The following ATF7 variants were observed in gnomAD, a reference collection of about 807,000 sequenced individuals.
ATF7 encodes the protein activating transcription factor 7.
In ATF7, 10 loss-of-function variants were observed where a neutral mutation model predicts 50.4. The observed-to-expected ratio is 0.20, with a 90% confidence interval of 0.12 to 0.34. The LOEUF is 0.34. Ranked by LOEUF, ATF7 falls within the 10% of genes least tolerant of loss-of-function variation. The pLI, the probability that ATF7 is intolerant of heterozygous loss-of-function variation, is 1.00. For synonymous variants in ATF7, 201 were observed against 226.4 expected (o/e 0.89, Z 1.01); for missense variants, 465 against 613.9 (o/e 0.76, Z 2.56).
At chr12:53,555,827 G>A (rs1940715430) in intron 2 of ATF7, among the ~76,000 whole-genome samples, 2 of 149,238 alleles carry the variant, frequency 1.3e-5, no homozygotes, top group Admixed American at 1.3e-4. Flanking sequence ...GTTTTGTTTT[G>A]TTTTTGAGAC....
At chr12:53,584,350 A>C (rs1028344924) in intron 2 of ATF7, among the ~76,000 whole-genome samples, 3 of 152,210 alleles carry the variant, frequency 2.0e-5, no homozygotes, top group Non-Finnish European at 4.4e-5. Context: ...GCCAAAATCC[A>C]AAACACTGAC....
chr12:53,576,869 A>G (rs1285759821), intron 2 of ATF7, among the ~76,000 whole-genome samples: 1 of 152,136 alleles, frequency 6.6e-6, no homozygotes, highest in Non-Finnish European at 1.5e-5. Flanking sequence ...AGCCTGGCCA[A>G]CATGGTGAAA....
intron 2 of ATF7, among the ~76,000 whole-genome samples, chr12:53,554,834 G>A (rs1385171234): frequency 7.9e-6 from 1 of 126,352 alleles, no homozygotes; most frequent in Non-Finnish European, 1.6e-5. Context: ...CTAAGCTCCA[G>A]CCTGGGTGAC....
rs1266419084 is a variant in ATF7, at chr12:53,523,208, G to C, written c.1234+68C>G. On this transcript the variant is annotated intron_variant, in intron 11 of 11. Coordinates refer to ENST00000420353, the MANE Select transcript of ATF7 (RefSeq NM_006856.3). ...TCAGAATGGAGTTATAAAATTATAA[G>C]CAGTTGAGACACTCAGTACATGCAG... is the stretch of plus-strand genomic sequence containing the variant. The C allele has an allele frequency of 2.6e-6, 3 of 1,135,650 alleles. No individual in the cohort carries two copies. In the African/African-American group the frequency reaches 4.6e-5, roughly 17 times the overall value. 70.3% of individuals were successfully genotyped at this position (1,135,650 alleles called of 1,614,324 possible).
intron 2 of ATF7, among the ~76,000 whole-genome samples, chr12:53,582,189 C>T (rs1942456104): frequency 6.6e-6 from 1 of 151,778 alleles, no homozygotes; most frequent in Admixed American, 6.6e-5. Context: ...ATTAGCTGAG[C>T]ATGGTGGCGC....
At chr12:53,508,725 T>C (rs542793554), downstream of ATF7, among the ~76,000 whole-genome samples, 2 of 152,256 alleles carry the variant, frequency 1.3e-5, no homozygotes, top group Admixed American at 6.5e-5. Flanking sequence ...GCTGAAGCAC[T>C]GCTGCCACCC....
intron 4 of ATF7, 49 bp from the exon 5 acceptor site, chr12:53,537,601 G>A: frequency 1.3e-6 from 2 of 1,593,062 alleles, no homozygotes; most frequent in Non-Finnish European, 1.7e-6. Flanking sequence ...ATTCCTTTCA[G>A]GTTGAATCTA....
chr12:53,605,904 G>C (rs568084774), intron 1 of ATF7, among the ~76,000 whole-genome samples: 12 of 152,248 alleles, frequency 7.9e-5, no homozygotes, highest in African/African-American at 2.9e-4. Flanking sequence ...TATTAAGTTT[G>C]CACTTAACTT....
chr12:53,532,453 G>C (rs896232637), intron 8 of ATF7, 57 bp downstream of exon 8: 3 of 1,363,584 alleles, frequency 2.2e-6, no homozygotes, highest in Non-Finnish European at 3.1e-6. Context: ...GACCTAGGCT[G>C]GTATCACCCA....
At chr12:53,527,504 G>A (rs1042269026) in intron 9 of ATF7, among the ~76,000 whole-genome samples, 6 of 152,086 alleles carry the variant, frequency 3.9e-5, no homozygotes, top group Non-Finnish European at 7.4e-5. Flanking sequence ...AAAAAAAGAT[G>A]CTGGGCATGG....
At chr12:53,582,792 G>A (rs976506671) in intron 2 of ATF7, among the ~76,000 whole-genome samples, 20 of 151,982 alleles carry the variant, frequency 1.3e-4, no homozygotes, top group Non-Finnish European at 2.2e-4. Flanking sequence ...TCACCATGTT[G>A]GCCAGGATGG....
intron 9 of ATF7, among the ~76,000 whole-genome samples, chr12:53,526,025 A>C (rs994835088): frequency 1.3e-5 from 2 of 152,040 alleles, no homozygotes; most frequent in Admixed American, 6.6e-5. Context: ...AGCCTGACCA[A>C]CATGGAGAAA....
intron 6 of ATF7, among the ~76,000 whole-genome samples, chr12:53,533,789 AACAG>A (rs1315555930): frequency 6.6e-6 from 1 of 152,186 alleles, no homozygotes; most frequent in Non-Finnish European, 1.5e-5. Context: ...AGTGAAGACA[AACAG>A]ACAAATAAAA....
chr12:53,541,302 AC>A (rs1939537913), intron 4 of ATF7, among the ~76,000 whole-genome samples: 1 of 152,172 alleles, frequency 6.6e-6, no homozygotes, highest in Non-Finnish European at 1.5e-5. Context: ...GCTTCACTAT[AC>A]CATGCAATTG....
intron 2 of ATF7, 41 bp from the exon 3 acceptor site, chr12:53,552,678 A>C (rs755837670): frequency 1.6e-5 from 25 of 1,517,020 alleles, no homozygotes; most frequent in African/African-American, 1.6e-4. Flanking sequence ...AAACAAAAAC[A>C]AAAACCCGAT....
At chr12:53,615,096 A>T (rs1944062414) in intron 1 of ATF7, among the ~76,000 whole-genome samples, 1 of 151,942 alleles carries the variant, frequency 6.6e-6, no homozygotes, top group South Asian at 2.1e-4. Context: ...AAAGAAAAAA[A>T]AAAAGAGCTG....
At chr12:53,614,717 C>T (rs938032703) in intron 1 of ATF7, among the ~76,000 whole-genome samples, 5 of 152,182 alleles carry the variant, frequency 3.3e-5, no homozygotes, top group African/African-American at 1.2e-4. Flanking sequence ...TCACTCTCAC[C>T]AGTCCTAAAC....
intron 2 of ATF7, among the ~76,000 whole-genome samples, chr12:53,592,463 T>C (rs955889981): frequency 1.3e-5 from 2 of 152,218 alleles, no homozygotes; most frequent in Middle Eastern, 3.2e-3. Flanking sequence ...ACAATTTGTA[T>C]GTCAATTCTT....
intron 3 of ATF7, among the ~76,000 whole-genome samples, chr12:53,548,163 G>A (rs779116176): frequency 2.6e-5 from 4 of 151,488 alleles, no homozygotes; most frequent in East Asian, 1.9e-4. Context: ...CACTGTGCCC[G>A]GCCTGAGGCT....
Sources: gnomAD v4.1 joint callset for allele counts (sites outside exome capture counted in the v4.1 genomes callset) on GRCh38, gnomAD v4.1.1 for gene constraint, MANE v1.5 for transcripts, NCBI Gene and HGNC (gene_info 2026-07-23, HGNC 2026-07-21) for gene names.